Variants in ACSS2 observed in about 807,000 individuals in gnomAD.
ACSS2 encodes the protein acyl-CoA synthetase short chain family member 2.
In ACSS2, 58 loss-of-function variants were observed where a neutral mutation model predicts 90.6. The ratio of observed to expected loss-of-function variants is 0.64; its 90% CI spans 0.52 to 0.80. The LOEUF (loss-of-function observed/expected upper bound fraction) is 0.80, where lower values mean the gene tolerates loss of function less well. Among genes scored for constraint, ACSS2 ranks in the 30% least tolerant of loss-of-function variants. ACSS2 has a pLI of 0.00. For synonymous variants in ACSS2, 300 were observed against 330.9 expected (o/e 0.91, Z 1.01); for missense variants, 759 against 912.0 (o/e 0.83, Z 2.16).
chr20:34,890,285 T>A (rs932291074), intron 2 of ACSS2, among the ~76,000 whole-genome samples: 1 of 152,208 alleles, frequency 6.6e-6, no homozygotes, highest in Non-Finnish European at 1.5e-5. Context: ...GGCTAAATTT[T>A]CCCTGCAAAA....
intron 2 of ACSS2, among the ~76,000 whole-genome samples, chr20:34,899,422 CTT>C (rs772353196): frequency 8.4e-5 from 10 of 118,854 alleles, no homozygotes; most frequent in African/African-American, 2.3e-4. Context: ...TTCTTTCTTT[CTT>C]TCCTTCCTTC....
chr20:34,908,469 A>G (rs1013658608), intron 2 of ACSS2, among the ~76,000 whole-genome samples: 4 of 152,140 alleles, frequency 2.6e-5, no homozygotes, highest in Non-Finnish European at 4.4e-5. Context: ...CCTACCTCTC[A>G]TTATTCAGGT....
chr20:34,920,077 A>G (rs938700874), intron 8 of ACSS2, among the ~76,000 whole-genome samples: 1 of 152,142 alleles, frequency 6.6e-6, no homozygotes, highest in Admixed American at 6.5e-5. Flanking sequence ...TTATCTCCAT[A>G]TGCTTTGGAA....
At position 34,903,512 on chromosome 20, in the gene ACSS2, C is replaced by G. The variant is rs140479476; in HGVS notation, c.375-9584C>G. ...GATACAGATTTTTGAGACTTGCTAT[C>G]ACATCTCTCAATATCTTCTCTTCCA... is the stretch of plus-strand genomic sequence containing the variant. On this transcript the variant is annotated intron_variant, in intron 2 of 17. Coordinates refer to ENST00000360596, the MANE Select transcript of ACSS2 (RefSeq NM_018677.4). Among the ~76,000 whole-genome samples the G allele has an allele frequency of 3.9e-5, 6 of 152,106 alleles. No individual in the cohort carries two copies. The East Asian group carries it at 1.2e-3, about 29-fold the overall frequency.
intron 2 of ACSS2, among the ~76,000 whole-genome samples, chr20:34,899,152 C>G (rs1202605124): frequency 6.6e-6 from 1 of 152,184 alleles, no homozygotes; most frequent in Non-Finnish European, 1.5e-5. Context: ...CCGCAAGCTC[C>G]GTGCGCAGCC....
chr20:34,876,370 G>A, upstream of ACSS2: 1 of 321,180 alleles, frequency 3.1e-6, no homozygotes, highest in Non-Finnish European at 5.6e-6. Flanking sequence ...CGCCCCTTCT[G>A]CTTTCACTCG....
intron 2 of ACSS2, among the ~76,000 whole-genome samples, chr20:34,888,754 G>A (rs1333435401): frequency 6.6e-6 from 1 of 152,200 alleles, no homozygotes; most frequent in African/African-American, 2.4e-5. Flanking sequence ...GCAGAGATCT[G>A]AAGGAAAGTA....
chr20:34,879,243 C>T (rs1196826037), intron 1 of ACSS2, among the ~76,000 whole-genome samples: 1 of 152,014 alleles, frequency 6.6e-6, no homozygotes, highest in African/African-American at 2.4e-5. Flanking sequence ...TCTAGCTCCA[C>T]CCTGCCTCTC....
intron 2 of ACSS2, among the ~76,000 whole-genome samples, chr20:34,910,659 A>C (rs566308307): frequency 1.1e-4 from 17 of 152,234 alleles, no homozygotes; most frequent in South Asian, 2.1e-4. Flanking sequence ...GTCTCTAAAA[A>C]ACAAATCACA....
chr20:34,881,887 A>T lies in ACSS2; in HGVS notation c.179-907A>T, dbSNP rs181112427. Among the ~76,000 whole-genome samples the T allele has an allele frequency of 1.4e-3, 216 of 152,364 alleles. 1 individual carries two copies. Among genetic ancestry groups the T allele is most frequent in the African/African-American group, 5.0e-3 (207 of 41,592 alleles). ...TTGGCACATAGTGAATAACACTTAT[A>T]TAAGTAGAAGCTGGAGAAGGAGATG... On this transcript the variant is annotated intron_variant, in intron 1 of 17. Coordinates refer to ENST00000360596, the MANE Select transcript of ACSS2 (RefSeq NM_018677.4).
intron 2 of ACSS2, among the ~76,000 whole-genome samples, chr20:34,912,256 A>C (rs2080976752): frequency 6.6e-6 from 1 of 152,238 alleles, no homozygotes; most frequent in African/African-American, 2.4e-5. Flanking sequence ...AGGTAGACAG[A>C]AATCACCTGA....
chr20:34,906,833 A>C (rs2080818213), intron 2 of ACSS2, among the ~76,000 whole-genome samples: 2 of 151,618 alleles, frequency 1.3e-5, no homozygotes, highest in Non-Finnish European at 2.9e-5. Context: ...AAATACAAAA[A>C]TTAGCCAGGT....
Position 34,921,863 on chromosome 20 carries a change from T to C in ACSS2, c.1545T>C (p.Tyr515=), listed in dbSNP as rs1206958529. ...GEELEGEAEG[Y]LVFKQPWPGI... ...AGTTGGAAGGTGAAGCTGAAGGTTA[T>C]CTGGTGAGGCCCTGGCCCTTGGGAG... Residue 515 remains tyrosine, a synonymous_variant, in exon 13 of 18, where the codon TAT becomes TAC. Transcript: ENST00000360596. 2 of 1,613,684 alleles carry C rather than the reference T, an allele frequency of 1.2e-6. No individual in the cohort carries two copies. The highest frequency in any genetic ancestry group is 8.5e-7 in the Non-Finnish European group (1 of 1,179,818).
chr20:34,903,870 CAA>C (rs11474981), intron 2 of ACSS2, among the ~76,000 whole-genome samples: 2,781 of 93,380 alleles, frequency 0.03, 97 homozygotes, highest in African/African-American at 0.094. Context: ...GACATTGTCT[CAA>C]AAAAAAAAAA....
chr20:34,879,742 C>T (rs1460934266), intron 1 of ACSS2, among the ~76,000 whole-genome samples: 3 of 152,136 alleles, frequency 2.0e-5, no homozygotes, highest in Admixed American at 6.6e-5. Context: ...AAAACAAAAA[C>T]AAAAACACCT....
Position 34,921,015 on chromosome 20 carries a change from A to T in ACSS2, c.1153A>T (p.Ile385Phe). The T allele has an allele frequency of 2.5e-6, 4 of 1,614,106 alleles. No individual in the cohort carries two copies. Among genetic ancestry groups the T allele is most frequent in the Non-Finnish European group, 2.5e-6 (3 of 1,180,010 alleles). The change falls in exon 10 of 18, where the codon ATT becomes TTT. Residue 385 changes from isoleucine (I) to phenylalanine (F), a missense_variant. Physicochemically the swap from Ile to Phe is conservative, Grantham distance 21 (BLOSUM62 0). Transcript: ENST00000360596. ...NGATSVLFEG[I>F]PTYPDVNRLW... is the part of the protein sequence containing the mutation. ...AGCCTTCATGGGTCAGTTTGAGGGG[A>T]TTCCCACATATCCGGACGTGAACCG...
intron 2 of ACSS2, among the ~76,000 whole-genome samples, chr20:34,887,897 C>A (rs934634807): frequency 6.6e-6 from 1 of 151,080 alleles, no homozygotes; most frequent in Non-Finnish European, 1.5e-5. Context: ...AAGACGAAAC[C>A]CCATCTCTAC....
At chr20:34,921,949 ATC>A (rs917814830) in intron 13 of ACSS2, 83 bp downstream of exon 13, 1 of 1,536,834 alleles carries the variant, frequency 6.5e-7, no homozygotes, top group African/African-American at 1.4e-5. Context: ...TAATAACCTA[ATC>A]TCTCCTGGTA....
Position 34,876,652 on chromosome 20 carries a change from C to A in ACSS2, c.7C>A (p.Leu3Ile), listed in dbSNP as rs868794357. The change falls in exon 1 of 18, where the codon CTT (leucine) becomes ATT (isoleucine). Residue 3 changes from leucine (L) to isoleucine (I), a missense_variant. Transcript: ENST00000360596. ...GTTCTAGGAACTTGACGTGATGGGG[C>A]TTCCTGAGGAGCGGGTCCGGAGCGG... MG[L>I]PEERVRSGSG... 1.5e-6 allele frequency: 2 copies of A among 1,377,276 alleles called. No homozygotes were observed. Among genetic ancestry groups the A allele is most frequent in the East Asian group, 3.0e-5 (1 of 33,238 alleles). 85.3% of individuals were successfully genotyped at this position (1,377,276 alleles called of 1,614,324 possible). A position where few individuals can be genotyped will look rare whatever the true frequency, so the allele number is the denominator to read the frequency against.
Sources: gnomAD v4.1 joint callset for allele counts (sites outside exome capture counted in the v4.1 genomes callset) on GRCh38, gnomAD v4.1.1 for gene constraint, MANE v1.5 for transcripts, NCBI Gene and HGNC (gene_info 2026-07-23, HGNC 2026-07-21) for gene names.